The following PDE4B variants were observed in gnomAD, a reference collection of about 807,000 sequenced individuals.
PDE4B encodes the protein phosphodiesterase 4B.
A neutral mutation model predicts 82.2 loss-of-function variants in PDE4B; 20 were observed. The observed-to-expected ratio is 0.24, with a 90% CI of 0.17 to 0.35. PDE4B has a LOEUF of 0.35. Ranked by LOEUF, PDE4B falls within the 10% of genes least tolerant of loss-of-function variation. The pLI is 1.00. For synonymous variants in PDE4B, 320 were observed against 318.9 expected (o/e 1.00, Z -0.04); for missense variants, 655 against 907.2 (o/e 0.72, Z 3.57).
intron 1 of PDE4B, among the ~76,000 whole-genome samples, chr1:65,861,451 C>T (rs768263091): frequency 6.6e-6 from 1 of 152,074 alleles, no homozygotes; most frequent in Admixed American, 6.5e-5. Flanking sequence ...GTTACTGTAG[C>T]CTTGTAGTTA....
chr1:66,003,418 C>CT (rs1213050069), intron 3 of PDE4B, among the ~76,000 whole-genome samples: 1 of 151,992 alleles, frequency 6.6e-6, no homozygotes, highest in East Asian at 1.9e-4. Context: ...TGAAGTCATT[C>CT]CATCCACTTG....
intron 3 of PDE4B, among the ~76,000 whole-genome samples, chr1:66,219,920 G>A (rs1420812371): frequency 6.6e-6 from 1 of 152,146 alleles, no homozygotes; most frequent in Non-Finnish European, 1.5e-5. Flanking sequence ...TACAATTCTG[G>A]AAACATTTAT....
In PDE4B at chr1:66,224,262, T is replaced by C. The variant is rs1651245248; in HGVS notation, c.282-23198T>C. On this transcript the variant is annotated intron_variant, in intron 3 of 16. Coordinates refer to ENST00000341517, the MANE Select transcript of PDE4B (RefSeq NM_002600.4). ...AACCCCTCTCACACACATTCTCCACTTCTTTCTTTGCCAAGCTTAAATGTA... is the reference window on the plus strand; with the variant it reads ...AACCCCTCTCACACACATTCTCCACCTCTTTCTTTGCCAAGCTTAAATGTA... 1.3e-5 allele frequency among the ~76,000 whole-genome samples: 2 copies of C among 152,188 alleles called. 1 individual carries two copies. Among genetic ancestry groups the C allele is most frequent in the African/African-American group, 4.8e-5 (2 of 41,450 alleles).
chr1:65,907,596 T>C (rs1327695345), intron 1 of PDE4B, among the ~76,000 whole-genome samples: 4 of 152,116 alleles, frequency 2.6e-5, no homozygotes, highest in Non-Finnish European at 4.4e-5. Flanking sequence ...ACCTTCTTTT[T>C]CTTGAACTAA....
Position 66,370,219 on chromosome 1 carries a change from T to C in PDE4B, c.1845+1250T>C, listed in dbSNP as rs184825572. ...AAGTGCTCTGAAGTCTAATATACTG[T>C]AAAAATGCAAGTTAACATTGTTAAT... On this transcript the variant is annotated intron_variant, in intron 16 of 16. Coordinates refer to ENST00000341517, the MANE Select transcript of PDE4B (RefSeq NM_002600.4). 2.7e-5 allele frequency among the ~76,000 whole-genome samples: 4 copies of C among 147,874 alleles called. No homozygotes were observed. The East Asian group carries it at 6.0e-4, about 22-fold the overall frequency.
intron 7 of PDE4B, among the ~76,000 whole-genome samples, chr1:66,320,533 A>G (rs1489822691): frequency 6.6e-6 from 1 of 152,198 alleles, no homozygotes; most frequent in East Asian, 1.9e-4. Context: ...ACAAAGGACA[A>G]GTATTGGACA....
At chr1:66,141,918 C>G (rs1313101879) in intron 3 of PDE4B, among the ~76,000 whole-genome samples, 2 of 152,050 alleles carry the variant, frequency 1.3e-5, no homozygotes, top group South Asian at 2.1e-4. Context: ...TCGCACAGTT[C>G]CAAATCGAAT....
intron 7 of PDE4B, among the ~76,000 whole-genome samples, chr1:66,269,071 A>G (rs1655272776): frequency 6.6e-6 from 1 of 152,278 alleles, no homozygotes; most frequent in Non-Finnish European, 1.5e-5. Context: ...AGTAAAATAC[A>G]TATAAAATAA....
At chr1:66,127,705 A>C (rs1645851890) in intron 3 of PDE4B, among the ~76,000 whole-genome samples, 1 of 152,170 alleles carries the variant, frequency 6.6e-6, no homozygotes, top group Admixed American at 6.5e-5. Context: ...GTGTAGGGCT[A>C]TACGGCCCGT....
intron 3 of PDE4B, among the ~76,000 whole-genome samples, chr1:66,138,696 G>A (rs1646109976): frequency 6.6e-6 from 1 of 152,164 alleles, no homozygotes; most frequent in Non-Finnish European, 1.5e-5. Context: ...GTTGAATTTA[G>A]TTGATCAAAG....
At chr1:66,127,238 T>C (rs1645843091) in intron 3 of PDE4B, among the ~76,000 whole-genome samples, 1 of 152,088 alleles carries the variant, frequency 6.6e-6, no homozygotes, top group South Asian at 2.1e-4. Context: ...TCTGCATACC[T>C]TAGGGGAAAC....
At chr1:66,345,710 C>G (rs1428821458) in intron 8 of PDE4B, among the ~76,000 whole-genome samples, 2 of 152,164 alleles carry the variant, frequency 1.3e-5, no homozygotes, top group African/African-American at 4.8e-5. Context: ...AATCCTGTTT[C>G]CTGTTGTGCG....
At chr1:66,277,924 G>A (rs1166869607) in intron 7 of PDE4B, among the ~76,000 whole-genome samples, 1 of 152,124 alleles carries the variant, frequency 6.6e-6, no homozygotes, top group African/African-American at 2.4e-5. Flanking sequence ...CAACATCCCT[G>A]GGTCTTGATT....
chr1:65,903,048 G>A (rs1228541207), intron 1 of PDE4B, among the ~76,000 whole-genome samples: 3 of 152,092 alleles, frequency 2.0e-5, no homozygotes, highest in African/African-American at 4.8e-5. Flanking sequence ...TACAAAGGTG[G>A]TATTTTAATA....
chr1:66,114,715 A>G (rs1645558823), intron 3 of PDE4B, among the ~76,000 whole-genome samples: 1 of 148,830 alleles, frequency 6.7e-6, no homozygotes, highest in African/African-American at 2.5e-5. Flanking sequence ...GGCTCACTGC[A>G]ACCTCTGCTT....
chr1:65,970,616 G>T (rs1239217547), intron 3 of PDE4B, among the ~76,000 whole-genome samples: 1 of 152,058 alleles, frequency 6.6e-6, no homozygotes, highest in Non-Finnish European at 1.5e-5. Context: ...CAATTAACAA[G>T]TATATAATGT....
At chr1:66,022,431 T>C (rs555621445) in intron 3 of PDE4B, among the ~76,000 whole-genome samples, 1 of 152,336 alleles carries the variant, frequency 6.6e-6, no homozygotes, top group Non-Finnish European at 1.5e-5. Flanking sequence ...CAGCATGATA[T>C]TGGCTGTGGG....
chr1:65,933,699 C>T (rs944466331), intron 3 of PDE4B, among the ~76,000 whole-genome samples: 3 of 151,528 alleles, frequency 2.0e-5, no homozygotes, highest in African/African-American at 7.3e-5. Flanking sequence ...AGTTGATCAG[C>T]GCCATACTTG....
intron 3 of PDE4B, among the ~76,000 whole-genome samples, chr1:66,240,157 A>C (rs1652779574): frequency 6.6e-6 from 1 of 152,232 alleles, no homozygotes; most frequent in Non-Finnish European, 1.5e-5. Flanking sequence ...GAGATGACTG[A>C]GTATCACCGT....
Sources: allele counts gnomAD v4.1 joint callset (sites outside exome capture counted in the v4.1 genomes callset), GRCh38; gene constraint gnomAD v4.1.1; transcripts MANE v1.5; gene names NCBI Gene and HGNC (gene_info 2026-07-23, HGNC 2026-07-21).